RSU1: variants seen among roughly 807,000 people sequenced by gnomAD.
RSU1 encodes the protein Ras suppressor protein 1, also known as rsu-1.
In RSU1, 26 loss-of-function variants were observed where a neutral mutation model predicts 31.1. The ratio of observed to expected loss-of-function variants is 0.84; its 90% CI spans 0.61 to 1.16. The LOEUF is 1.16. Ranked by LOEUF, RSU1 falls within the 50% of genes most tolerant of loss-of-function variation. The pLI, the probability that RSU1 is intolerant of heterozygous loss-of-function variation, is 0.00. For missense variants in RSU1, 320 were observed against 339.1 expected, an observed-to-expected ratio of 0.94 and a Z score of 0.44; for synonymous variants, 164 against 136.3, an observed-to-expected ratio of 1.20 and a Z score of -1.41.
chr10:16,706,155 C>T (rs139517347), intron 7 of RSU1, among the ~76,000 whole-genome samples: 145 of 152,302 alleles, frequency 9.5e-4, no homozygotes, highest in African/African-American at 3.3e-3. Flanking sequence ...GGAATATACT[C>T]AGAAGTGAAA....
intron 3 of RSU1, among the ~76,000 whole-genome samples, chr10:16,767,022 CAA>C (rs111562696): frequency 2.6e-4 from 26 of 101,740 alleles, no homozygotes; most frequent in South Asian, 3.2e-4. Context: ...ACTCTATGTC[CAA>C]AAAAAAAAAA....
chr10:16,774,512 G>A (rs1333756838), intron 3 of RSU1, among the ~76,000 whole-genome samples: 11 of 152,192 alleles, frequency 7.2e-5, no homozygotes, highest in African/African-American at 1.9e-4. Context: ...GGAGGTTGCA[G>A]TGAGCCGAAA....
At chr10:16,773,550 C>G (rs944384053) in intron 3 of RSU1, among the ~76,000 whole-genome samples, 2 of 152,220 alleles carry the variant, frequency 1.3e-5, no homozygotes, top group Non-Finnish European at 2.9e-5. Context: ...GCAGAGGCAG[C>G]AGGGGACACG....
intron 8 of RSU1, among the ~76,000 whole-genome samples, chr10:16,646,061 TACAC>T (rs57414227): frequency 0.38 from 29,553 of 78,666 alleles, 9,747 homozygotes; most frequent in South Asian, 0.61. Context: ...TATATATATA[TACAC>T]ACACACACAC....
intron 8 of RSU1, among the ~76,000 whole-genome samples, chr10:16,641,235 T>G (rs563869397): frequency 6.6e-6 from 1 of 152,186 alleles, no homozygotes; most frequent in Non-Finnish European, 1.5e-5. Flanking sequence ...CACCAACTAA[T>G]TGGTTATGTT....
chr10:16,749,975 C>T (rs1836941512), intron 7 of RSU1, among the ~76,000 whole-genome samples: 1 of 152,166 alleles, frequency 6.6e-6, no homozygotes, highest in South Asian at 2.1e-4. Flanking sequence ...TCAAATCTCA[C>T]CTGACTCACT....
chr10:16,813,718 G>A (rs765743635), intron 2 of RSU1, among the ~76,000 whole-genome samples: 2 of 152,164 alleles, frequency 1.3e-5, no homozygotes, highest in Non-Finnish European at 2.9e-5. Context: ...CCTATGTGCT[G>A]TACTCCTCTG....
chr10:16,667,094 T>G (rs530106915), intron 8 of RSU1, among the ~76,000 whole-genome samples: 36 of 152,288 alleles, frequency 2.4e-4, no homozygotes, highest in African/African-American at 8.7e-4. Flanking sequence ...TAATTACCAC[T>G]GAGTCATAAA....
intron 8 of RSU1, among the ~76,000 whole-genome samples, chr10:16,602,048 G>A (rs1334491655): frequency 6.6e-6 from 1 of 152,154 alleles, no homozygotes; most frequent in African/African-American, 2.4e-5. Context: ...CTTTTGGCTT[G>A]TTTTTGTTGT....
At chr10:16,603,412 C>A (rs1336751085) in intron 8 of RSU1, among the ~76,000 whole-genome samples, 1 of 152,204 alleles carries the variant, frequency 6.6e-6, no homozygotes, top group Non-Finnish European at 1.5e-5. Context: ...CCTGTCTACT[C>A]TAATGATGCT....
At chr10:16,805,608 G>A (rs555089099) in intron 2 of RSU1, among the ~76,000 whole-genome samples, 13 of 150,682 alleles carry the variant, frequency 8.6e-5, no homozygotes, top group East Asian at 1.9e-4. Flanking sequence ...CCCGGGAGGC[G>A]GAGCTTGCAG....
chr10:16,800,579 T>C (rs75684448), intron 2 of RSU1, among the ~76,000 whole-genome samples: 7,910 of 152,214 alleles, frequency 0.052, 259 homozygotes, highest in African/African-American at 0.095. Flanking sequence ...AGACAAAATA[T>C]CTAAGAACAA....
chr10:16,605,237 C>T (rs1029418808), intron 8 of RSU1, among the ~76,000 whole-genome samples: 2 of 152,098 alleles, frequency 1.3e-5, no homozygotes, highest in Non-Finnish European at 1.5e-5. Context: ...GCCATCTTTG[C>T]CCACACTTTC....
intron 7 of RSU1, among the ~76,000 whole-genome samples, chr10:16,698,577 G>A (rs192004359): frequency 1.6e-4 from 24 of 152,188 alleles, no homozygotes; most frequent in African/African-American, 5.5e-4. Flanking sequence ...ATGTTCTCTG[G>A]GCCCTTTTGT....
chr10:16,755,408 C>T (rs544039837), intron 4 of RSU1, among the ~76,000 whole-genome samples: 1 of 151,824 alleles, frequency 6.6e-6, no homozygotes, highest in Non-Finnish European at 1.5e-5. Context: ...CAGGCGTGAG[C>T]CCCCATGCCC....
chr10:16,629,197 G>C (rs1186509805), intron 8 of RSU1, among the ~76,000 whole-genome samples: 1 of 152,128 alleles, frequency 6.6e-6, no homozygotes, highest in Non-Finnish European at 1.5e-5. Context: ...GATGCGGTGG[G>C]TCTGGGGTGG....
intron 7 of RSU1, among the ~76,000 whole-genome samples, chr10:16,741,796 G>C (rs942027579): frequency 1.3e-5 from 2 of 152,180 alleles, no homozygotes; most frequent in African/African-American, 4.8e-5. Context: ...CCAGTTGAAA[G>C]GTTACTCTAG....
At chr10:16,648,041 T>A (rs980419518) in intron 8 of RSU1, among the ~76,000 whole-genome samples, 1 of 151,570 alleles carries the variant, frequency 6.6e-6, no homozygotes. Context: ...CTTGACCTGC[T>A]GGGTTTAAGC....
Position 16,740,829 on chromosome 10 carries a change from T to C in RSU1, c.598+11710A>G, listed in dbSNP as rs190555069. On this transcript the variant is annotated intron_variant, in intron 7 of 8. Coordinates refer to ENST00000345264, the MANE Select transcript of RSU1 (RefSeq NM_012425.4). ...CGAAGATCTAAATAAATGGAAAAAA[T>C]ATCCCATGTTCATGGATCTGAACTG... Among the ~76,000 whole-genome samples, 1,143 of 152,024 alleles carry C rather than the reference T, an allele frequency of 7.5e-3. 12 individuals are homozygous for C. Among genetic ancestry groups the C allele is most frequent in the African/African-American group, 0.026 (1,095 of 41,474 alleles).
Sources: allele counts gnomAD v4.1 joint callset (sites outside exome capture counted in the v4.1 genomes callset), GRCh38; gene constraint gnomAD v4.1.1; transcripts MANE v1.5; gene names NCBI Gene and HGNC (gene_info 2026-07-23, HGNC 2026-07-21).